RBFOX1: variants seen among roughly 807,000 people sequenced by gnomAD.
The protein encoded by RBFOX1 is RNA binding fox-1 homolog 1, also known as RNA binding protein fox-1 homolog 1.
A neutral mutation model predicts 57.7 loss-of-function variants in RBFOX1; 8 were observed. The ratio of observed to expected loss-of-function variants is 0.14; its 90% CI spans 0.08 to 0.25. The LOEUF (loss-of-function observed/expected upper bound fraction) is 0.25. Among genes scored for constraint, RBFOX1 ranks in the 10% least tolerant of loss-of-function variants. The pLI is 1.00. For synonymous variants in RBFOX1, 326 were observed against 222.4 expected (o/e 1.47, Z -4.15); for missense variants, 611 against 548.5 (o/e 1.11, Z -1.14).
chr16:7,408,500 G>A (rs966141965), intron 4 of RBFOX1, among the ~76,000 whole-genome samples: 2 of 152,196 alleles, frequency 1.3e-5, no homozygotes, highest in African/African-American at 4.8e-5. Flanking sequence ...CTGCTGAGAA[G>A]TAGCTAATTC....
chr16:5,292,156 G>A (rs2063550971), intron 1 of RBFOX1, among the ~76,000 whole-genome samples: 1 of 152,166 alleles, frequency 6.6e-6, no homozygotes, highest in African/African-American at 2.4e-5. Context: ...TGCATTGCTG[G>A]GAGGGAGCTA....
Position 6,840,567 on chromosome 16 carries a change from C to A in RBFOX1, c.-16+185917C>A, listed in dbSNP as rs73534681. Reference sequence around the variant, plus strand: ...GAGGTGATGGGGCCATAGAGCATAGCCCTCATGAATGGGATTAGTGCCTTC... The same window carrying A: ...GAGGTGATGGGGCCATAGAGCATAGACCTCATGAATGGGATTAGTGCCTTC... On this transcript the variant is annotated intron_variant, in intron 3 of 15. Transcript: ENST00000550418. 3.1e-3 allele frequency among the ~76,000 whole-genome samples: 464 copies of A among 152,126 alleles called. 3 individuals carry two copies. The highest frequency in any genetic ancestry group is 0.011 in the African/African-American group (442 of 41,508).
chr16:6,998,348 C>T (rs928711176), intron 3 of RBFOX1, among the ~76,000 whole-genome samples: 13 of 152,070 alleles, frequency 8.5e-5, no homozygotes, highest in African/African-American at 2.9e-4. Flanking sequence ...AGTGTTTACA[C>T]ATGAATCCAA....
chr16:6,825,728 A>C (rs1406176884), intron 3 of RBFOX1, among the ~76,000 whole-genome samples: 2 of 152,138 alleles, frequency 1.3e-5, no homozygotes, highest in Non-Finnish European at 2.9e-5. Context: ...GGAGGGAGGC[A>C]GGGCAGTCGA....
At chr16:6,932,442 A>G (rs1567948265) in intron 3 of RBFOX1, among the ~76,000 whole-genome samples, 1 of 152,086 alleles carries the variant, frequency 6.6e-6, no homozygotes, top group East Asian at 1.9e-4. Flanking sequence ...TCACAATACC[A>G]TTACATTGGC....
At chr16:5,974,612 AAG>A (rs1338998730) in intron 4 of RBFOX1, among the ~76,000 whole-genome samples, 1 of 152,136 alleles carries the variant, frequency 6.6e-6, no homozygotes, top group Non-Finnish European at 1.5e-5. Context: ...TCCATCTCAA[AAG>A]AAATAAAATA....
At chr16:7,207,755 A>T (rs1252148271) in intron 4 of RBFOX1, among the ~76,000 whole-genome samples, 1 of 152,194 alleles carries the variant, frequency 6.6e-6, no homozygotes, top group Non-Finnish European at 1.5e-5. Flanking sequence ...GCCAGGGTTA[A>T]TTTGCCTGTT....
intron 13 of RBFOX1, among the ~76,000 whole-genome samples, chr16:7,670,818 T>G (rs2071174524): frequency 6.6e-6 from 1 of 152,156 alleles, no homozygotes; most frequent in South Asian, 2.1e-4. Context: ...CTGTGACCAC[T>G]CACATGGAAG....
At chr16:6,122,357 AACACACACACACACACAC>A (rs61531585) in intron 1 of RBFOX1, among the ~76,000 whole-genome samples, 5,650 of 145,446 alleles carry the variant, frequency 0.039, 284 homozygotes, top group East Asian at 0.24. Context: ...CTAAAAGATA[AACACACACACACACACAC>A]ACACACACAC....
chr16:5,799,641 G>C lies in RBFOX1; in HGVS notation c.319-67662G>C, dbSNP rs143202316. 2.0e-4 allele frequency among the ~76,000 whole-genome samples: 30 copies of C among 152,250 alleles called. 1 individual carries two copies. Among genetic ancestry groups the C allele is most frequent in the African/African-American group, 6.0e-4 (25 of 41,542 alleles). ...GTTAGGTGATTTTTGTCCAACTGTA[G>C]GCTCATGTGTTCTGAGTGTGTTCAA... On this transcript the variant is annotated intron_variant, in intron 3 of 19. Transcript: ENST00000641259.
At chr16:6,816,442 AAGAAAC>A (rs1424609454) in intron 3 of RBFOX1, among the ~76,000 whole-genome samples, 1 of 147,062 alleles carries the variant, frequency 6.8e-6, no homozygotes, top group Non-Finnish European at 1.5e-5. Context: ...TTTTTTTTTA[AAGAAAC>A]AGGGTCTTGT....
intron 3 of RBFOX1, among the ~76,000 whole-genome samples, chr16:6,928,596 C>G (rs918677221): frequency 6.6e-6 from 1 of 152,076 alleles, no homozygotes; most frequent in Non-Finnish European, 1.5e-5. Flanking sequence ...AGCAATGTGT[C>G]TTACAGTTAC....
At chr16:5,781,980 C>T (rs762016427) in intron 3 of RBFOX1, among the ~76,000 whole-genome samples, 18 of 152,126 alleles carry the variant, frequency 1.2e-4, no homozygotes, top group South Asian at 2.1e-4. Context: ...CCGAGGTGGG[C>T]GGATTACTTG....
At chr16:6,453,887 T>G (rs1403110682) in intron 2 of RBFOX1, among the ~76,000 whole-genome samples, 1 of 152,254 alleles carries the variant, frequency 6.6e-6, no homozygotes, top group Non-Finnish European at 1.5e-5. Flanking sequence ...GAAGCTGCCA[T>G]AGTAAAATGC....
At chr16:5,800,519 C>T (rs1231061409) in intron 3 of RBFOX1, among the ~76,000 whole-genome samples, 1 of 152,036 alleles carries the variant, frequency 6.6e-6, no homozygotes, top group Non-Finnish European at 1.5e-5. Flanking sequence ...ATGGCAAGGG[C>T]TCTCCAGCAC....
chr16:5,901,990 A>T (rs528225864), intron 4 of RBFOX1, among the ~76,000 whole-genome samples: 2 of 152,236 alleles, frequency 1.3e-5, no homozygotes, highest in East Asian at 3.9e-4. Flanking sequence ...TCCTGATACT[A>T]CCTGTAACTT....
Position 5,330,872 on chromosome 16 carries a change from A to G in RBFOX1, c.219+90767A>G, listed in dbSNP as rs144492936. On this transcript the variant is annotated intron_variant, in intron 1 of 2. Transcript: ENST00000585867. ...CTAAAAATTTCTCCATTGCCTGTGT[A>G]CTCAAGCCTGGTCCAATTCAGGTTT... Among the ~76,000 whole-genome samples, 5 of 152,206 alleles carry G rather than the reference A, an allele frequency of 3.3e-5. No homozygotes were observed. In the East Asian group the frequency reaches 9.7e-4, roughly 29 times the overall value.
At chr16:6,637,300 C>A (rs2098448974) in intron 2 of RBFOX1, among the ~76,000 whole-genome samples, 1 of 50,750 alleles carries the variant, frequency 2.0e-5, no homozygotes, top group African/African-American at 1.2e-4. Flanking sequence ...ATATAATATA[C>A]AAATATATAT....
chr16:6,927,414 CAAAAAAAAA>C (rs1194663760), intron 3 of RBFOX1, among the ~76,000 whole-genome samples: 5 of 53,152 alleles, frequency 9.4e-5, no homozygotes, highest in African/African-American at 3.2e-4. Context: ...CGCTTTCTCA[CAAAAAAAAA>C]AAAAAAAAAA....
Sources: allele counts gnomAD v4.1 joint callset (sites outside exome capture counted in the v4.1 genomes callset), GRCh38; gene constraint gnomAD v4.1.1; transcripts MANE v1.5; gene names NCBI Gene and HGNC (gene_info 2026-07-23, HGNC 2026-07-21).